SELENOM: variants seen among roughly 807,000 people sequenced by gnomAD.
SELENOM encodes selenoprotein M, also known as selenoprotein SelM.
In SELENOM, 17 loss-of-function variants were observed where a neutral mutation model predicts 14.5. The observed-to-expected ratio is 1.17, with a 90% CI of 0.80 to 1.76. The LOEUF is 1.76. Among genes scored for constraint, SELENOM ranks in the 40% most tolerant of loss-of-function variants. The pLI is 0.00. For synonymous variants in SELENOM, 102 were observed against 93.3 expected, an observed-to-expected ratio of 1.09 and a Z score of -0.54; for missense variants, 230 against 204.6, an observed-to-expected ratio of 1.12 and a Z score of -0.76.
Position 31,105,983 on chromosome 22 carries a change from G to A in SELENOM, c.130-18C>T, listed in dbSNP as rs769624443. On this transcript the variant is annotated intron_variant, in intron 1 of 4. Coordinates refer to ENST00000400299, the MANE Select transcript of SELENOM (RefSeq NM_080430.4). ...CCGCAGGTCTGGAGGGGGATAAAAT[G>A]GGATAGGTCAGGAGTCCTTCACGTT... 3 of 1,612,794 alleles carry A rather than the reference G, an allele frequency of 1.9e-6. No homozygotes were observed. The highest frequency in any genetic ancestry group is 2.7e-5 in the African/African-American group (2 of 74,898).
intron 3 of SELENOM, 81 bp from the exon 4 acceptor site, chr22:31,105,367 C>A (rs2044391241): frequency 1.5e-6 from 2 of 1,364,388 alleles, no homozygotes; most frequent in Admixed American, 2.0e-5. Flanking sequence ...AACAGCATTG[C>A]CTCCTTTGCT....
At chr22:31,106,039 C>T in intron 1 of SELENOM, 74 bp from the exon 2 acceptor site, 1 of 1,400,742 alleles carries the variant, frequency 7.1e-7, no homozygotes, top group Non-Finnish European at 1.0e-6. Context: ...AGCCATACTT[C>T]CTTATCCCTG....
At chr22:31,107,166 G>C (rs1031900157) in intron 1 of SELENOM, 6 of 588,984 alleles carry the variant, frequency 1.0e-5, no homozygotes, top group African/African-American at 3.9e-5. Flanking sequence ...GAAGGGTTCG[G>C]AGTTCCAGGC....
chr22:31,105,200 G>C lies in SELENOM; in HGVS notation c.279+8C>G. On this transcript the variant is annotated splice_region_variant and intron_variant, in intron 4 of 4. Transcript: ENST00000400299. ...GCCTCGCCCCCAGCCCACCTCCCAC[G>C]GCCTCACCTCTAGTTCCTCGTAGCG... The C allele has an allele frequency of 6.2e-7, 1 of 1,613,260 alleles. No individual in the cohort carries two copies. Among genetic ancestry groups the C allele is most frequent in the Non-Finnish European group, 8.5e-7 (1 of 1,179,680 alleles).
intron 2 of SELENOM, 28 bp from the exon 3 acceptor site, chr22:31,105,720 C>A (rs754260849): frequency 1.2e-6 from 2 of 1,613,490 alleles, no homozygotes; most frequent in South Asian, 1.1e-5. Flanking sequence ...CATCAGAGAC[C>A]ATGACCTCAG....
Position 31,104,838 on chromosome 22 carries a change from C to T in SELENOM, c.*132G>A. 9.2e-7 allele frequency: 1 copy of T among 1,082,672 alleles called. No individual in the cohort carries two copies. The highest frequency in any genetic ancestry group is 1.3e-6 in the Non-Finnish European group (1 of 777,240). 67.1% of individuals were successfully genotyped at this position (1,082,672 alleles called of 1,614,324 possible). On this transcript the variant is annotated 3_prime_UTR_variant, in exon 5 of 5. Coordinates refer to ENST00000400299, the MANE Select transcript of SELENOM (RefSeq NM_080430.4). ...AAGAAAGTGGGGTTGGGAGAACCTC[C>T]CCAACCCCATCCCTGCTGGCCCGGG...
At chr22:31,105,400 A>G in intron 3 of SELENOM, 114 bp from the exon 4 acceptor site, 1 of 1,098,880 alleles carries the variant, frequency 9.1e-7, no homozygotes, top group Non-Finnish European at 1.3e-6. Flanking sequence ...TGTGCCCGGG[A>G]GGGGCCAGGG....
chr22:31,105,183 C>T (rs752400315), intron 4 of SELENOM, 25 bp downstream of exon 4: 6 of 1,613,030 alleles, frequency 3.7e-6, no homozygotes, highest in Non-Finnish European at 5.1e-6. Flanking sequence ...TGGCCTCGCC[C>T]CCAGCCCACC....
rs1274352530 is a variant in SELENOM at position 31,104,994 on chromosome 22, T to C, written c.414A>G (p.Glu138=). ...CCTACAGGTCAGCGTGGTCCGAAGT[T>C]TCCTCTGGGGGCTTCGCGGGCGCCC... is the stretch of plus-strand genomic sequence containing the variant. ...YVWAPAKPPE[E]TSDHADL is the part of the protein sequence containing the mutation. Residue 138 remains glutamate, a synonymous_variant, in exon 5 of 5, where the codon GAA becomes GAG. Transcript: ENST00000400299. 1.9e-6 allele frequency: 3 copies of C among 1,596,678 alleles called. No individual in the cohort carries two copies. Among genetic ancestry groups the C allele is most frequent in the Non-Finnish European group, 2.6e-6 (3 of 1,173,940 alleles).
chr22:31,107,206 T>C (rs925934022), intron 1 of SELENOM, 171 bp downstream of exon 1: 7 of 814,710 alleles, frequency 8.6e-6, no homozygotes, highest in Non-Finnish European at 1.3e-5. Context: ...GCTTCCACGG[T>C]GGATGCTGGG....
At chr22:31,105,517 G>GACCA in intron 3 of SELENOM, 141 bp downstream of exon 3, 1 of 934,108 alleles carries the variant, frequency 1.1e-6, no homozygotes, top group South Asian at 1.5e-5. Flanking sequence ...CCAACATGGA[G>GACCA]ACCACCTCAG....
Sources: gnomAD v4.1 joint callset for allele counts on GRCh38, gnomAD v4.1.1 for gene constraint, MANE v1.5 for transcripts, NCBI Gene and HGNC (gene_info 2026-07-23, HGNC 2026-07-21) for gene names.